Variants in FAM50B observed in about 807,000 individuals in gnomAD.
The protein encoded by FAM50B is family with sequence similarity 50 member B, also known as protein FAM50B.
Under a neutral mutation model 25.4 loss-of-function variants are expected in FAM50B, and 9 were observed. The observed-to-expected ratio is 0.35, with a 90% CI of 0.21 to 0.62. FAM50B has a LOEUF of 0.62. Ranked by LOEUF, FAM50B falls within the 20% of genes least tolerant of loss-of-function variation. The pLI, the probability that FAM50B is intolerant of heterozygous loss-of-function variation, is 0.73. For synonymous variants in FAM50B, 212 were observed against 204.3 expected (o/e 1.04, Z -0.32); for missense variants, 372 against 477.9 (o/e 0.78, Z 2.07).
At position 3,851,192 on chromosome 6, in the gene FAM50B, T is replaced by G; in HGVS notation, c.*403T>G. The G allele has an allele frequency of 4.7e-6, 1 of 211,308 alleles. No individual in the cohort carries two copies. The highest frequency in any genetic ancestry group is 1.0e-5 in the Non-Finnish European group (1 of 95,406). The allele number at this position is 211,308 out of a possible 1,614,324, so 13.1% of individuals were successfully genotyped here. A position where few individuals can be genotyped will look rare whatever the true frequency, so the allele number is the denominator to read the frequency against. ...TTTGGGTAAGCTTATTAAACCCCCATGCCTCAGTTTGGTCACCTGTAAAAG... is the reference window on the plus strand; with the variant it reads ...TTTGGGTAAGCTTATTAAACCCCCAGGCCTCAGTTTGGTCACCTGTAAAAG... On this transcript the variant is annotated 3_prime_UTR_variant, in exon 2 of 2. Coordinates refer to ENST00000648326, the MANE Select transcript of FAM50B (RefSeq NM_012135.3).
At chr6:3,836,589 A>C in the FAM50B span, among the ~76,000 whole-genome samples, 1 of 152,234 alleles carries the variant, frequency 6.6e-6, no homozygotes, top group South Asian at 2.1e-4. Context: ...CTAGCAAGTT[A>C]ATTTTGGTTA....
At chr6:3,834,359 C>CAAAAAAAAAAAAAAAAAAAGAAAAAAGAA in the FAM50B span, among the ~76,000 whole-genome samples, 1 of 75,044 alleles carries the variant, frequency 1.3e-5, no homozygotes, top group Non-Finnish European at 3.0e-5. Flanking sequence ...TGATATATGG[C>CAAAAAAAAAAAAAAAAAAAGAAAAAAGAA]AAAAAAAAAA....
the FAM50B span, chr6:3,831,991 T>A: frequency 6.6e-6 from 1 of 152,166 alleles, no homozygotes; most frequent in Non-Finnish European, 1.5e-5. Flanking sequence ...GAAGGAATAA[T>A]CTTGGCCTGT....
At chr6:3,833,086 C>A in the FAM50B span, among the ~76,000 whole-genome samples, 1 of 152,120 alleles carries the variant, frequency 6.6e-6, no homozygotes, top group Non-Finnish European at 1.5e-5. Flanking sequence ...TCTTGAACTC[C>A]TGACCACAGG....
chr6:3,843,178 C>T, the FAM50B span, among the ~76,000 whole-genome samples: 2 of 152,192 alleles, frequency 1.3e-5, no homozygotes, highest in Non-Finnish European at 2.9e-5. Flanking sequence ...ATTAAATCTT[C>T]ATCCACCAAA....
the FAM50B span, among the ~76,000 whole-genome samples, chr6:3,834,454 A>G: frequency 6.6e-6 from 1 of 151,646 alleles, no homozygotes; most frequent in African/African-American, 2.4e-5. Context: ...TGGAGCTTAT[A>G]TGAAAGATCA....
At position 3,849,981 on chromosome 6, in the gene FAM50B, A is replaced by AG; in HGVS notation, c.172dup (p.Ala58GlyfsTer59). On this transcript the variant is annotated frameshift_variant, in exon 2 of 2. Transcript: ENST00000648326. LOFTEE classifies it high-confidence loss of function. ...TTCTCGGCGCATTACGACGCCGTGG[A>AG]GGCCGAGCTGAAGTCCAGCACGGTG... 6.2e-7 allele frequency: 1 copy of AG among 1,613,908 alleles called. No homozygotes were observed. The highest frequency in any genetic ancestry group is 8.5e-7 in the Non-Finnish European group (1 of 1,179,950).
chr6:3,838,484 C>T, the FAM50B span, among the ~76,000 whole-genome samples: 2 of 151,996 alleles, frequency 1.3e-5, no homozygotes, highest in Non-Finnish European at 2.9e-5. Context: ...CCAAGGCAGG[C>T]AGATCACCTG....
At chr6:3,839,513 A>G in the FAM50B span, among the ~76,000 whole-genome samples, 1 of 151,130 alleles carries the variant, frequency 6.6e-6, no homozygotes, top group African/African-American at 2.4e-5. Context: ...ACTCAAAGGG[A>G]TAATACAAGT....
At chr6:3,849,756 CT>C in intron 1 of FAM50B, 32 bp from the exon 2 acceptor site, 2 of 1,531,558 alleles carry the variant, frequency 1.3e-6, no homozygotes, top group Admixed American at 1.9e-5. Flanking sequence ...GTGGGCCCCC[CT>C]CTACCTGCCG....
At chr6:3,847,825 G>A (rs1762140083), upstream of FAM50B, among the ~76,000 whole-genome samples, 1 of 152,154 alleles carries the variant, frequency 6.6e-6, no homozygotes, top group Non-Finnish European at 1.5e-5. Flanking sequence ...CTTTTCACTT[G>A]AACACTTAGA....
chr6:3,840,339 G>C, the FAM50B span, among the ~76,000 whole-genome samples: 12 of 152,162 alleles, frequency 7.9e-5, no homozygotes, highest in East Asian at 1.8e-3. Flanking sequence ...TGGGCATGGT[G>C]GGGGGTGCCT....
the FAM50B span, among the ~76,000 whole-genome samples, chr6:3,840,366 G>A: frequency 1.3e-5 from 2 of 151,958 alleles, no homozygotes; most frequent in Middle Eastern, 3.2e-3. Flanking sequence ...CCAGCTACCC[G>A]GGAGACTGAA....
chr6:3,849,798 G>T lies in FAM50B; in HGVS notation c.-14G>T, dbSNP rs926582036. On this transcript the variant is annotated 5_prime_UTR_variant, in exon 2 of 2. Coordinates refer to ENST00000648326, the MANE Select transcript of FAM50B (RefSeq NM_012135.3). ...TTCCTCTTTGCTGCAGAGCCCATCG[G>T]GTAGGCGCGGGCCATGGCGCAGTAC... is the stretch of plus-strand genomic sequence containing the variant. The T allele has an allele frequency of 4.4e-6, 7 of 1,592,140 alleles. No homozygotes were observed. The African/African-American group carries it at 8.0e-5, about 18-fold the overall frequency.
the FAM50B span, among the ~76,000 whole-genome samples, chr6:3,842,707 T>C: frequency 6.6e-6 from 1 of 152,234 alleles, no homozygotes; most frequent in African/African-American, 2.4e-5. Context: ...GGACACTCGC[T>C]ACCTTCACCC....
rs1224461199 is a variant in FAM50B, at chr6:3,851,125, CT to C, written c.*337del. 1.3e-5 allele frequency: 4 copies of C among 299,412 alleles called. No homozygotes were observed. Among genetic ancestry groups the C allele is most frequent in the African/African-American group, 8.8e-5 (4 of 45,588 alleles). The allele number at this position is 299,412 out of a possible 1,614,324, so 18.5% of individuals were successfully genotyped here. On this transcript the variant is annotated 3_prime_UTR_variant, in exon 2 of 2. Coordinates refer to ENST00000648326, the MANE Select transcript of FAM50B (RefSeq NM_012135.3). Reference sequence around the variant, plus strand: ...AGCATGGACTTGGGGGCCACAGTGACTGAGTTTGATTCCCGACACAGCCTCC... The same window carrying C: ...AGCATGGACTTGGGGGCCACAGTGACGAGTTTGATTCCCGACACAGCCTCC...
chr6:3,843,872 C>T, the FAM50B span, among the ~76,000 whole-genome samples: 1 of 152,182 alleles, frequency 6.6e-6, no homozygotes, highest in Non-Finnish European at 1.5e-5. Context: ...TGTGGCTTTG[C>T]TTTGACAACT....
chr6:3,832,481 A>G, the FAM50B span, among the ~76,000 whole-genome samples: 1 of 152,260 alleles, frequency 6.6e-6, no homozygotes, highest in Non-Finnish European at 1.5e-5. Context: ...CAGCACGCTG[A>G]GAATGCCTCT....
chr6:3,842,673 C>T, the FAM50B span, among the ~76,000 whole-genome samples: 1 of 152,192 alleles, frequency 6.6e-6, no homozygotes, highest in African/African-American at 2.4e-5. Context: ...TCCCTATCTG[C>T]CCTTCTCCTA....
Sources: gnomAD v4.1 joint callset for allele counts (sites outside exome capture counted in the v4.1 genomes callset) on GRCh38, gnomAD v4.1.1 for gene constraint, MANE v1.5 for transcripts, NCBI Gene and HGNC (gene_info 2026-07-23, HGNC 2026-07-21) for gene names.